The following SHC3 variants were observed in gnomAD, a reference collection of about 807,000 sequenced individuals.
The protein encoded by SHC3 is SHC adaptor protein 3.
In SHC3, 15 loss-of-function variants were observed where a neutral mutation model predicts 60.4. The observed-to-expected ratio is 0.25, with a 90% CI of 0.17 to 0.38. The LOEUF is 0.38. Among genes scored for constraint, SHC3 ranks in the 10% least tolerant of loss-of-function variants. The pLI is 1.00. For synonymous variants in SHC3, 294 were observed against 325.9 expected, an observed-to-expected ratio of 0.90 and a Z score of 1.05; for missense variants, 677 against 786.1, an observed-to-expected ratio of 0.86 and a Z score of 1.66.
At chr9:89,103,933 T>C (rs1317585582) in intron 2 of SHC3, among the ~76,000 whole-genome samples, 1 of 152,076 alleles carries the variant, frequency 6.6e-6, no homozygotes, top group Non-Finnish European at 1.5e-5. Context: ...AATGATATGT[T>C]TGGGTGATAA....
At chr9:89,013,695 G>C in intron 11 of SHC3, 120 bp from the exon 12 acceptor site, 1 of 1,403,520 alleles carries the variant, frequency 7.1e-7, no homozygotes, top group Non-Finnish European at 9.5e-7. Flanking sequence ...GGGGGGACAA[G>C]GGGCTTCCAC....
rs946109004 is a variant in SHC3 at position 89,176,635 on chromosome 9, A to G, written c.474+1352T>C. Among the ~76,000 whole-genome samples, 4 of 152,220 alleles carry G rather than the reference A, an allele frequency of 2.6e-5. No homozygotes were observed. The South Asian group carries it at 6.2e-4, about 24-fold the overall frequency. On this transcript the variant is annotated intron_variant, in intron 1 of 11. Coordinates refer to ENST00000375835, the MANE Select transcript of SHC3 (RefSeq NM_016848.6). ...CTGGTTATATAATTTAAATAAGCAA[A>G]ACAAGAAGAATATTCAGTACCTCTT...
intron 11 of SHC3, among the ~76,000 whole-genome samples, chr9:89,031,984 C>A (rs1462858681): frequency 1.3e-5 from 2 of 152,180 alleles, no homozygotes; most frequent in South Asian, 2.1e-4. Context: ...TTTCCTCCAG[C>A]CTCTCTTCTC....
chr9:89,144,909 G>A (rs1826446326), intron 1 of SHC3, among the ~76,000 whole-genome samples: 1 of 151,946 alleles, frequency 6.6e-6, no homozygotes, highest in Non-Finnish European at 1.5e-5. Flanking sequence ...GGGCTGGCGA[G>A]GATATATCCT....
rs1281134781 is a variant in SHC3, at chr9:89,010,077, C to G, written c.*3370G>C. The G allele has an allele frequency of 6.6e-6, 1 of 152,232 alleles. No individual in the cohort carries two copies. Among genetic ancestry groups the G allele is most frequent in the Non-Finnish European group, 1.5e-5 (1 of 68,066 alleles). The allele number at this position is 152,232 out of a possible 1,614,324, so 9.4% of individuals were successfully genotyped here. A position where few individuals can be genotyped will look rare whatever the true frequency, so the allele number is the denominator to read the frequency against. ...ATTTCCCGTCTTTATTAGAAATTAC[C>G]CACAACTTCCTCCACCTCCAGGAGG... On this transcript the variant is annotated 3_prime_UTR_variant, in exon 12 of 12. Transcript: ENST00000375835.
chr9:89,098,546 C>T (rs7855537), intron 2 of SHC3, among the ~76,000 whole-genome samples: 5,449 of 152,292 alleles, frequency 0.036, 295 homozygotes, highest in African/African-American at 0.12. Flanking sequence ...ACATGGCTCA[C>T]GCCTGTAATC....
At chr9:89,060,194 G>A (rs1273649145) in intron 6 of SHC3, among the ~76,000 whole-genome samples, 5 of 147,154 alleles carry the variant, frequency 3.4e-5, no homozygotes, top group African/African-American at 1.3e-4. Context: ...GGTGTAGGAC[G>A]TGGTGGAGGG....
At chr9:89,174,939 A>T (rs954219271) in intron 1 of SHC3, among the ~76,000 whole-genome samples, 1 of 152,224 alleles carries the variant, frequency 6.6e-6, no homozygotes, top group Non-Finnish European at 1.5e-5. Context: ...TTGCCTTTTG[A>T]ACCTGCTAAA....
intron 11 of SHC3, among the ~76,000 whole-genome samples, chr9:89,036,771 C>T (rs1824585645): frequency 6.6e-6 from 1 of 151,920 alleles, no homozygotes; most frequent in Admixed American, 6.6e-5. Flanking sequence ...AGTCTTTCTC[C>T]ATCACCCAGG....
At chr9:89,014,942 T>C (rs901429267) in intron 11 of SHC3, among the ~76,000 whole-genome samples, 3 of 152,178 alleles carry the variant, frequency 2.0e-5, no homozygotes, top group African/African-American at 7.2e-5. Flanking sequence ...TTAGAATGTT[T>C]TCCCCCTGCA....
intron 1 of SHC3, among the ~76,000 whole-genome samples, chr9:89,148,247 T>C (rs1277778797): frequency 1.3e-5 from 2 of 152,196 alleles, no homozygotes; most frequent in African/African-American, 4.8e-5. Context: ...TAAATAGGCC[T>C]TCCCCTCAGC....
At chr9:89,154,897 A>G (rs1301784590) in intron 1 of SHC3, among the ~76,000 whole-genome samples, 1 of 152,238 alleles carries the variant, frequency 6.6e-6, no homozygotes, top group Non-Finnish European at 1.5e-5. Flanking sequence ...TGTTCCAAAA[A>G]TACATATTGG....
intron 4 of SHC3, among the ~76,000 whole-genome samples, chr9:89,072,854 C>T (rs1825296866): frequency 6.6e-6 from 1 of 152,046 alleles, no homozygotes; most frequent in Non-Finnish European, 1.5e-5. Context: ...CAAACATGCT[C>T]CTGTAAAACT....
intron 11 of SHC3, among the ~76,000 whole-genome samples, chr9:89,016,980 T>TA (rs1376641454): frequency 2.0e-5 from 3 of 152,052 alleles, no homozygotes; most frequent in African/African-American, 4.8e-5. Flanking sequence ...ATTTTTTCTT[T>TA]TAAAAAAAGG....
At chr9:89,139,616 G>A (rs949568972) in intron 1 of SHC3, among the ~76,000 whole-genome samples, 2 of 152,184 alleles carry the variant, frequency 1.3e-5, no homozygotes, top group Non-Finnish European at 2.9e-5. Flanking sequence ...CCTAAGATAA[G>A]TGCCATTCTT....
At chr9:89,084,012 AC>A (rs1825487909) in intron 2 of SHC3, among the ~76,000 whole-genome samples, 1 of 152,232 alleles carries the variant, frequency 6.6e-6, no homozygotes, top group African/African-American at 2.4e-5. Context: ...TCCAGCCATA[AC>A]CAAACCATTC....
intron 11 of SHC3, chr9:89,037,334 A>G (rs1824598944): frequency 1.7e-6 from 1 of 598,198 alleles, no homozygotes; most frequent in South Asian, 2.2e-5. Flanking sequence ...AAGGTTTTAA[A>G]CAATCCTGGA....
rs920759195 is a variant in SHC3 at position 89,016,895 on chromosome 9, A to T, written c.1657-3320T>A. ...CAATTGCTTTTATCCATCATGTTAA[A>T]GAAGAAAAATCACATGATCATATCA... On this transcript the variant is annotated intron_variant, in intron 11 of 11. Transcript: ENST00000375835. Among the ~76,000 whole-genome samples, 5 of 152,230 alleles carry T rather than the reference A, an allele frequency of 3.3e-5. No individual in the cohort carries two copies. In the East Asian group the frequency reaches 9.6e-4, roughly 29 times the overall value.
chr9:89,102,647 G>C (rs1825799443), intron 2 of SHC3, among the ~76,000 whole-genome samples: 1 of 152,132 alleles, frequency 6.6e-6, no homozygotes, highest in South Asian at 2.1e-4. Context: ...AGATGATACA[G>C]TATGTCCCCA....
Sources: gnomAD v4.1 joint callset for allele counts (sites outside exome capture counted in the v4.1 genomes callset) on GRCh38, gnomAD v4.1.1 for gene constraint, MANE v1.5 for transcripts, NCBI Gene and HGNC (gene_info 2026-07-23, HGNC 2026-07-21) for gene names.